PLEKHA6: variants seen among roughly 807,000 people sequenced by gnomAD.
PLEKHA6 encodes pleckstrin homology domain containing A6, also known as pleckstrin homology domain-containing family A member 6.
A neutral mutation model predicts 116.7 loss-of-function variants in PLEKHA6; 60 were observed. That is an observed-to-expected ratio of 0.51 (90% CI 0.42 to 0.64). The LOEUF is 0.64. Ranked by LOEUF, PLEKHA6 falls within the 30% of genes least tolerant of loss-of-function variation. The probability of loss-of-function intolerance (pLI) is 0.00; values close to 1 mark genes in which losing one functional copy is unlikely to be tolerated. For synonymous variants in PLEKHA6, 489 were observed against 556.1 expected (o/e 0.88, Z 1.70); for missense variants, 1,338 against 1,422.7 (o/e 0.94, Z 0.96).
intron 1 of PLEKHA6, among the ~76,000 whole-genome samples, chr1:204,289,726 A>T (rs1669558128): frequency 6.6e-6 from 1 of 152,202 alleles, no homozygotes; most frequent in Admixed American, 6.5e-5. Flanking sequence ...ATGATCTATG[A>T]CTTAGAACAG....
intron 2 of PLEKHA6, chr1:204,368,474 T>G (rs1673712161): frequency 6.6e-6 from 1 of 151,932 alleles, no homozygotes; most frequent in African/African-American, 2.4e-5. Flanking sequence ...AAAAAAATTA[T>G]CCATGGAAAT....
chr1:204,346,414 A>AGAAG lies in PLEKHA6; in HGVS notation c.-95+13279_-95+13280insCTTC, dbSNP rs1553282209. 6.5e-3 allele frequency among the ~76,000 whole-genome samples: 994 copies of AGAAG among 151,880 alleles called. 5 individuals carry two copies. The highest frequency in any genetic ancestry group is 0.023 in the African/African-American group (947 of 41,378). On this transcript the variant is annotated intron_variant, in intron 1 of 22. Transcript: ENST00000272203. ...TCCAGAACACGGGTCTGGGCACCTG[A>AGAAG]GGGTGGCCAGCCGGGCAGCTCTGAG...
chr1:204,313,534 T>C, intron 1 of PLEKHA6: 2 of 981,676 alleles, frequency 2.0e-6, no homozygotes, highest in Non-Finnish European at 2.4e-6. Context: ...ATGTTACTAT[T>C]GAAGAAAGAA....
At chr1:204,310,956 C>T (rs919882934) in intron 1 of PLEKHA6, among the ~76,000 whole-genome samples, 5 of 152,190 alleles carry the variant, frequency 3.3e-5, no homozygotes, top group African/African-American at 9.7e-5. Context: ...TAATTCCAAT[C>T]TCTAGTGCAT....
intron 5 of PLEKHA6, among the ~76,000 whole-genome samples, chr1:204,265,434 A>G (rs1189844191): frequency 6.6e-6 from 1 of 152,220 alleles, no homozygotes; most frequent in Non-Finnish European, 1.5e-5. Context: ...ATGAGGAGGT[A>G]CTATTATTAC....
intron 13 of PLEKHA6, among the ~76,000 whole-genome samples, chr1:204,246,173 T>A (rs959701185): frequency 1.3e-5 from 2 of 152,184 alleles, no homozygotes; most frequent in Non-Finnish European, 2.9e-5. Flanking sequence ...TCAATTACAG[T>A]TGACAGTCTA....
chr1:204,260,087 T>A (rs1432966402), intron 7 of PLEKHA6, among the ~76,000 whole-genome samples: 5 of 152,188 alleles, frequency 3.3e-5, no homozygotes, highest in African/African-American at 9.7e-5. Flanking sequence ...GTCTTGGTCC[T>A]CTCTGCGATC....
At chr1:204,294,027 A>G (rs1670027576) in intron 1 of PLEKHA6, among the ~76,000 whole-genome samples, 1 of 152,224 alleles carries the variant, frequency 6.6e-6, no homozygotes, top group South Asian at 2.1e-4. Context: ...GAGTCTGTTA[A>G]TTGTACTGTG....
intron 1 of PLEKHA6, among the ~76,000 whole-genome samples, chr1:204,342,558 CAT>C (rs1416827037): frequency 3.9e-5 from 6 of 152,338 alleles, no homozygotes; most frequent in East Asian, 3.9e-4. Context: ...CTTGTTAAAA[CAT>C]AGATTCTGAT....
chr1:204,355,808 T>C (rs1191217958), intron 1 of PLEKHA6, among the ~76,000 whole-genome samples: 1 of 152,188 alleles, frequency 6.6e-6, no homozygotes, highest in African/African-American at 2.4e-5. Context: ...CACACAAATA[T>C]GTTTATTACA....
intron 13 of PLEKHA6, among the ~76,000 whole-genome samples, chr1:204,246,316 A>G (rs1663670983): frequency 6.6e-6 from 1 of 152,208 alleles, no homozygotes; most frequent in African/African-American, 2.4e-5. Flanking sequence ...CCCTCTTCAG[A>G]GATGAAGAGA....
At position 204,274,804 on chromosome 1, in the gene PLEKHA6, T is replaced by C. The variant is rs147440390; in HGVS notation, c.-89A>G. On this transcript the variant is annotated 5_prime_UTR_variant, in exon 2 of 23. An upstream start codon of the reference 5' UTR is lost. Coordinates refer to ENST00000272203, the MANE Select transcript of PLEKHA6 (RefSeq NM_014935.5). The stretch of plus-strand genomic sequence containing the variant: ...GTGTAGAAATGTGTTCCGTCTTTCA[T>C]TGTGGCTGTAGAGGGAAAAACAGAA... 1.8e-5 allele frequency: 18 copies of C among 985,810 alleles called. No individual in the cohort carries two copies. The highest frequency in any genetic ancestry group is 2.0e-5 in the Non-Finnish European group (17 of 829,896). The allele number at this position is 985,810 out of a possible 1,614,324, so 61.1% of individuals were successfully genotyped here. A position where few individuals can be genotyped will look rare whatever the true frequency, so the allele number is the denominator to read the frequency against.
intron 1 of PLEKHA6, among the ~76,000 whole-genome samples, chr1:204,374,483 C>A (rs983213934): frequency 6.6e-6 from 1 of 152,136 alleles, no homozygotes; most frequent in Non-Finnish European, 1.5e-5. Flanking sequence ...TGCCCAATCA[C>A]CTCACCACCA....
chr1:204,320,364 C>T (rs1369571654), intron 1 of PLEKHA6: 1 of 362,840 alleles, frequency 2.8e-6, no homozygotes, highest in Non-Finnish European at 3.8e-6. Context: ...GGAGCTGGTG[C>T]CAGCAGGGCC....
At chr1:204,308,854 A>G (rs942799871) in intron 1 of PLEKHA6, among the ~76,000 whole-genome samples, 13 of 151,172 alleles carry the variant, frequency 8.6e-5, no homozygotes, top group Non-Finnish European at 1.6e-4. Context: ...ACGCCCGGCT[A>G]ATTTTTTTGT....
chr1:204,368,953 G>C (rs1673721041), intron 2 of PLEKHA6: 1 of 152,254 alleles, frequency 6.6e-6, no homozygotes, highest in Non-Finnish European at 1.5e-5. Context: ...CTGCTTTGAG[G>C]CACCAGCTGC....
Position 204,331,784 on chromosome 1 carries a change from G to C in PLEKHA6, c.-95+27910C>G, listed in dbSNP as rs539133290. On this transcript the variant is annotated intron_variant, in intron 1 of 22. Coordinates refer to ENST00000272203, the MANE Select transcript of PLEKHA6 (RefSeq NM_014935.5). ...GAGGGCAGTGTTAGAGAGGCCCCTG[G>C]GAACATGGAAACTGAGTCAACGGTC... Among the ~76,000 whole-genome samples the C allele has an allele frequency of 2.6e-5, 4 of 152,198 alleles. No individual in the cohort carries two copies. The East Asian group carries it at 7.7e-4, about 29-fold the overall frequency.
chr1:204,358,766 G>A (rs10900583), intron 1 of PLEKHA6, among the ~76,000 whole-genome samples: 87,066 of 151,580 alleles, frequency 0.57, 28,489 homozygotes, highest in Non-Finnish European at 0.75. Context: ...CCTGTGCCCC[G>A]GGGATGGCTC....
intron 1 of PLEKHA6, among the ~76,000 whole-genome samples, chr1:204,304,391 C>T (rs527822596): frequency 1.8e-4 from 27 of 152,120 alleles, no homozygotes; most frequent in African/African-American, 3.1e-4. Context: ...TCTAAAGACC[C>T]GCAGGGAAAG....
Sources: allele counts gnomAD v4.1 joint callset (sites outside exome capture counted in the v4.1 genomes callset), GRCh38; gene constraint gnomAD v4.1.1; transcripts MANE v1.5; gene names NCBI Gene and HGNC (gene_info 2026-07-23, HGNC 2026-07-21).